The following RBM47 variants were observed in gnomAD, a reference collection of about 807,000 sequenced individuals.
RBM47 encodes RNA-binding protein 47.
RBM47 carries 21 observed loss-of-function variants against 47.1 expected under a neutral mutation model. That is an observed-to-expected ratio of 0.45 (90% CI 0.32 to 0.64). RBM47 has a LOEUF of 0.64. RBM47 is among the 30% of genes least tolerant of loss of function. RBM47 has a pLI of 0.05. For missense variants in RBM47, 708 were observed against 870.9 expected (o/e 0.81, Z 2.35); for synonymous variants, 375 against 361.7 (o/e 1.04, Z -0.42).
intron 1 of RBM47, among the ~76,000 whole-genome samples, chr4:40,593,077 G>C (rs1190328535): frequency 7.7e-6 from 1 of 129,136 alleles, no homozygotes; most frequent in Non-Finnish European, 1.6e-5. Context: ...CTCACTGCAA[G>C]TCCGCCTCCC....
At chr4:40,556,028 A>G (rs11946423) in intron 1 of RBM47, among the ~76,000 whole-genome samples, 5,761 of 150,542 alleles carry the variant, frequency 0.038, 276 homozygotes, top group African/African-American at 0.12. Flanking sequence ...AAAGACCTGA[A>G]AAGATCTTCT....
intron 1 of RBM47, among the ~76,000 whole-genome samples, chr4:40,560,922 G>A (rs1157290533): frequency 6.6e-6 from 1 of 150,946 alleles, no homozygotes; most frequent in African/African-American, 2.4e-5. Flanking sequence ...CCGAGAACGC[G>A]CCACTGCACT....
At chr4:40,606,134 G>T (rs1472492231) in intron 1 of RBM47, among the ~76,000 whole-genome samples, 1 of 151,054 alleles carries the variant, frequency 6.6e-6, no homozygotes, top group Non-Finnish European at 1.5e-5. Context: ...GGAGGTAGAG[G>T]TTGCAGTGAG....
At chr4:40,606,350 T>A (rs559924462) in intron 1 of RBM47, among the ~76,000 whole-genome samples, 1 of 151,576 alleles carries the variant, frequency 6.6e-6, no homozygotes. Context: ...CTGGGAAATG[T>A]GGTCTCGGTA....
At chr4:40,490,630 C>A (rs1037962481) in intron 2 of RBM47, among the ~76,000 whole-genome samples, 2 of 151,666 alleles carry the variant, frequency 1.3e-5, no homozygotes, top group African/African-American at 4.9e-5. Context: ...CAAAAATTAG[C>A]CGGGCGTGGT....
At chr4:40,498,304 C>T (rs1222497368) in intron 2 of RBM47, among the ~76,000 whole-genome samples, 1 of 151,748 alleles carries the variant, frequency 6.6e-6, no homozygotes, top group Non-Finnish European at 1.5e-5. Context: ...TTTTAAATTC[C>T]CTTTCCTGAA....
In RBM47 at chr4:40,493,832, C is replaced by A. The variant is rs555207827; in HGVS notation, c.-154-27133G>T. ...TGCATGCCTGTAATCCCAGCTACTC[C>A]GGAGGTTGAGGCACGAGAGTTGCTT... On this transcript the variant is annotated intron_variant, in intron 2 of 6. Coordinates refer to ENST00000295971, the MANE Select transcript of RBM47 (RefSeq NM_001098634.2). Among the ~76,000 whole-genome samples, 79 of 151,042 alleles carry A rather than the reference C, an allele frequency of 5.2e-4. 2 individuals carry two copies. The East Asian group carries it at 0.015, about 29-fold the overall frequency.
intron 1 of RBM47, among the ~76,000 whole-genome samples, chr4:40,619,582 C>G (rs1315539432): frequency 6.6e-6 from 1 of 152,144 alleles, no homozygotes; most frequent in East Asian, 1.9e-4. Flanking sequence ...GTTGCAAGGT[C>G]GGCCTTCTTT....
intron 1 of RBM47, among the ~76,000 whole-genome samples, chr4:40,574,354 C>T (rs1431885285): frequency 6.6e-6 from 1 of 152,042 alleles, no homozygotes; most frequent in Non-Finnish European, 1.5e-5. Flanking sequence ...TGTTTGATTC[C>T]AGAGAACCTC....
intron 3 of RBM47, among the ~76,000 whole-genome samples, chr4:40,454,592 G>A (rs1363567169): frequency 1.3e-5 from 2 of 152,164 alleles, no homozygotes; most frequent in African/African-American, 4.8e-5. Context: ...CCGCCTCCTG[G>A]GTTCAAGCGA....
chr4:40,506,544 A>G (rs1390802234), intron 2 of RBM47, among the ~76,000 whole-genome samples: 2 of 152,236 alleles, frequency 1.3e-5, no homozygotes, highest in Non-Finnish European at 2.9e-5. Context: ...TGGGAAGGGC[A>G]GAGGGCTCCG....
chr4:40,599,257 C>CAA (rs11445088), intron 1 of RBM47, among the ~76,000 whole-genome samples: 4,338 of 127,842 alleles, frequency 0.034, 212 homozygotes, highest in African/African-American at 0.1. Flanking sequence ...GACTCCGTCT[C>CAA]AAAAAAAAAA....
At position 40,424,990 on chromosome 4, in the gene RBM47, A is replaced by C. The variant is rs1264861317; in HGVS notation, c.*914T>G. 6.6e-6 allele frequency: 1 copy of C among 152,104 alleles called. No homozygotes were observed. Among genetic ancestry groups the C allele is most frequent in the African/African-American group, 2.4e-5 (1 of 41,398 alleles). The allele number at this position is 152,104 out of a possible 1,614,324, so 9.4% of individuals were successfully genotyped here. A position where few individuals can be genotyped will look rare whatever the true frequency, so the allele number is the denominator to read the frequency against. ...ACTTCCCCAACCAAACAAAAAAAAAAACAAAAAACAACGAAACAACAAACC... is the reference window on the plus strand; with the variant it reads ...ACTTCCCCAACCAAACAAAAAAAAACACAAAAAACAACGAAACAACAAACC... On this transcript the variant is annotated 3_prime_UTR_variant, in exon 7 of 7. Coordinates refer to ENST00000295971, the MANE Select transcript of RBM47 (RefSeq NM_001098634.2).
At chr4:40,505,534 C>G (rs1007278208) in intron 2 of RBM47, among the ~76,000 whole-genome samples, 15 of 150,308 alleles carry the variant, frequency 1.0e-4, no homozygotes, top group African/African-American at 3.4e-4. Context: ...TATAAGCCAG[C>G]ATTCCCTGGT....
At chr4:40,592,980 T>TATGTA (rs1351070314) in intron 1 of RBM47, among the ~76,000 whole-genome samples, 1 of 12,068 alleles carries the variant, frequency 8.3e-5, no homozygotes, top group Non-Finnish European at 1.3e-4. Flanking sequence ...TATATATATA[T>TATGTA]TTTTTTTTTT....
chr4:40,588,992 C>CTTTTTT (rs34195998), intron 1 of RBM47, among the ~76,000 whole-genome samples: 1 of 79,448 alleles, frequency 1.3e-5, no homozygotes, highest in Non-Finnish European at 2.5e-5. Flanking sequence ...TAAAGCGTTT[C>CTTTTTT]TTTTTTTTTT....
chr4:40,535,869 T>C (rs1450224386), intron 2 of RBM47, among the ~76,000 whole-genome samples: 1 of 152,078 alleles, frequency 6.6e-6, no homozygotes, highest in African/African-American at 2.4e-5. Flanking sequence ...CGTATATATT[T>C]TTTTTCCCCC....
At chr4:40,436,694 G>T in intron 4 of RBM47, 47 bp from the exon 5 acceptor site, 1 of 1,586,214 alleles carries the variant, frequency 6.3e-7, no homozygotes, top group Non-Finnish European at 8.6e-7. Context: ...CAGTGACGGT[G>T]CTGGAGGCAG....
In RBM47 at chr4:40,628,412, A is replaced by T. The variant is rs1479024150; in HGVS notation, c.-240+984T>A. On this transcript the variant is annotated intron_variant, in intron 1 of 6. Coordinates refer to ENST00000295971, the MANE Select transcript of RBM47 (RefSeq NM_001098634.2). The surrounding 1 kb of genome is among the most constrained non-coding windows in gnomAD (Gnocchi z 4.0). Reference sequence around the variant, plus strand: ...AGGTTGAGTACTTTGGTTTATCTAGAGGTTGTGTGTTACGCCGCTGACCAC... The same window carrying T: ...AGGTTGAGTACTTTGGTTTATCTAGTGGTTGTGTGTTACGCCGCTGACCAC... Among the ~76,000 whole-genome samples the T allele has an allele frequency of 6.6e-6, 1 of 152,110 alleles. No individual in the cohort carries two copies. The highest frequency in any genetic ancestry group is 1.5e-5 in the Non-Finnish European group (1 of 68,014).
Sources: gnomAD v4.1 joint callset for allele counts (sites outside exome capture counted in the v4.1 genomes callset) on GRCh38, gnomAD v4.1.1 for gene constraint, Gnocchi (gnomAD v3.1) non-coding constraint, MANE v1.5 for transcripts, NCBI Gene and HGNC (gene_info 2026-07-23, HGNC 2026-07-21) for gene names.